Variants in RIPK1 observed in about 807,000 individuals in gnomAD.
RIPK1 encodes receptor-interacting serine/threonine-protein kinase 1.
RIPK1 carries 27 observed loss-of-function variants against 62.4 expected under a neutral mutation model. That is an observed-to-expected ratio of 0.43 (90% confidence interval 0.32 to 0.60). RIPK1 has a LOEUF of 0.60. Among genes scored for constraint, RIPK1 ranks in the 20% least tolerant of loss-of-function variants. The pLI is 0.07. For synonymous variants in RIPK1, 287 were observed against 303.2 expected, an observed-to-expected ratio of 0.95 and a Z score of 0.55; for missense variants, 735 against 831.0, an observed-to-expected ratio of 0.88 and a Z score of 1.42.
rs1561748333 is a variant in RIPK1 at position 3,076,822 on chromosome 6, GA to G, written c.1del. On this transcript the variant is annotated 5_prime_UTR_variant, in exon 2 of 11. Coordinates refer to ENST00000259808, the MANE Select transcript of RIPK1 (RefSeq NM_001354930.2). ...CCATTTTGGGCGTTCTTGAGCTTCA[GA>G]ATGCAACCAGACATGTCCTTGAATG... 1.9e-6 allele frequency: 3 copies of G among 1,612,720 alleles called. No homozygotes were observed. In the African/African-American group the frequency reaches 4.0e-5, roughly 22 times the overall value.
At chr6:3,095,703 A>C (rs1760254355) in intron 7 of RIPK1, among the ~76,000 whole-genome samples, 1 of 152,264 alleles carries the variant, frequency 6.6e-6, no homozygotes, top group Non-Finnish European at 1.5e-5. Flanking sequence ...TTTTCAATAG[A>C]TGCAGATAAA....
intron 1 of RIPK1, among the ~76,000 whole-genome samples, chr6:3,073,221 A>G (rs918359857): frequency 2.2e-5 from 3 of 133,822 alleles, no homozygotes; most frequent in Non-Finnish European, 5.0e-5. Flanking sequence ...ATGTGTATAT[A>G]TACACACATA....
At chr6:3,099,516 C>G (rs1760490226) in intron 7 of RIPK1, among the ~76,000 whole-genome samples, 1 of 152,156 alleles carries the variant, frequency 6.6e-6, no homozygotes, top group African/African-American at 2.4e-5. Flanking sequence ...TGCACTCCAG[C>G]CTGGGTGACA....
chr6:3,085,201 C>T (rs1759624180), intron 5 of RIPK1, 58 bp from the exon 6 acceptor site: 4 of 1,598,034 alleles, frequency 2.5e-6, no homozygotes, highest in Admixed American at 1.7e-5. Context: ...TGTTCAAGTT[C>T]TGTCACCTTC....
At chr6:3,094,696 A>G (rs1373034423) in intron 7 of RIPK1, among the ~76,000 whole-genome samples, 1 of 152,006 alleles carries the variant, frequency 6.6e-6, no homozygotes, top group African/African-American at 2.4e-5. Context: ...AAAAGAGCAT[A>G]AATTAATGCC....
intron 7 of RIPK1, among the ~76,000 whole-genome samples, chr6:3,103,753 T>C (rs1760697821): frequency 6.6e-6 from 1 of 152,242 alleles, no homozygotes; most frequent in African/African-American, 2.4e-5. Flanking sequence ...TCTAAGAATT[T>C]TTGTGGCACT....
At chr6:3,111,578 TG>T (rs1441171431) in intron 10 of RIPK1, among the ~76,000 whole-genome samples, 2 of 151,812 alleles carry the variant, frequency 1.3e-5, no homozygotes, top group Non-Finnish European at 1.5e-5. Context: ...TGAGGTCTCT[TG>T]GAACTACTCA....
In RIPK1 at chr6:3,105,680, A is replaced by C; in HGVS notation, c.1205A>C (p.Asn402Thr). Reference protein sequence around the residue: ...DRQTKQQPRQNVAYNREEERR... With the variant: ...DRQTKQQPRQTVAYNREEERR... ...CAGACGAAACAGCAGCCCAGACAGA[A>C]TGTGGCTTACAACAGAGAGGAGGAA... The change falls in exon 9 of 11, where the codon AAT becomes ACT. Residue 402 changes from asparagine (N) to threonine (T), a missense_variant. This residue lies in a region of RIPK1 where 671 missense variants were observed against 726.2 expected (regional missense o/e 0.92). Coordinates refer to ENST00000259808, the MANE Select transcript of RIPK1 (RefSeq NM_001354930.2). This position sits in a 1 kb window ranked among gnomAD's most constrained non-coding sequence, Gnocchi z 4.5. 4 of 1,614,156 alleles carry C rather than the reference A, an allele frequency of 2.5e-6. No homozygotes were observed. The highest frequency in any genetic ancestry group is 3.4e-6 in the Non-Finnish European group (4 of 1,179,990).
rs1758764656 is a variant in RIPK1 at position 3,072,370 on chromosome 6, C to T, written c.-61+3709C>T. ...TGTCTTTATGTCTTTTTTATCTGTACTTATATCTTTATCTATTTACATATA... is the reference window on the plus strand; with the variant it reads ...TGTCTTTATGTCTTTTTTATCTGTATTTATATCTTTATCTATTTACATATA... On this transcript the variant is annotated intron_variant, in intron 1 of 10. Transcript: ENST00000259808. The surrounding 1 kb of genome is among the most constrained non-coding windows in gnomAD (Gnocchi z 5.6). Among the ~76,000 whole-genome samples the T allele has an allele frequency of 7.1e-6, 1 of 141,284 alleles. No individual in the cohort carries two copies. The highest frequency in any genetic ancestry group is 2.7e-5 in the African/African-American group (1 of 36,906). 92.7% of individuals were successfully genotyped at this position (141,284 alleles called of 152,430 possible).
intron 9 of RIPK1, among the ~76,000 whole-genome samples, chr6:3,109,934 T>C (rs962101426): frequency 6.6e-6 from 1 of 152,198 alleles, no homozygotes; most frequent in African/African-American, 2.4e-5. Flanking sequence ...TCCTCAAGCT[T>C]CATGCATGTT....
chr6:3,068,487 C>A (rs1758493808), upstream of RIPK1: 1 of 985,178 alleles, frequency 1.0e-6, no homozygotes, highest in Non-Finnish European at 1.2e-6. Context: ...GAGGAGGCAG[C>A]GCGAACAGTC....
chr6:3,066,028 GTTTTTTA>G (rs1244975222), upstream of RIPK1, among the ~76,000 whole-genome samples: 1 of 152,102 alleles, frequency 6.6e-6, no homozygotes, highest in African/African-American at 2.4e-5. Flanking sequence ...GGAACGTGGA[GTTTTTTA>G]TTTTTTATTG....
chr6:3,110,406 A>C (rs1393480843), intron 9 of RIPK1, among the ~76,000 whole-genome samples: 2 of 151,774 alleles, frequency 1.3e-5, no homozygotes, highest in African/African-American at 2.4e-5. Flanking sequence ...AAGGGGTTTC[A>C]CCATGTTGGC....
intron 1 of RIPK1, among the ~76,000 whole-genome samples, chr6:3,071,449 A>G (rs1758707800): frequency 6.6e-6 from 1 of 152,214 alleles, no homozygotes; most frequent in African/African-American, 2.4e-5. Context: ...GGACGTAATT[A>G]TTAGTTAAAA....
intron 3 of RIPK1, among the ~76,000 whole-genome samples, chr6:3,078,606 T>C (rs892112736): frequency 6.6e-6 from 1 of 152,224 alleles, no homozygotes; most frequent in Non-Finnish European, 1.5e-5. Flanking sequence ...TATGGATTAA[T>C]GAAAGGATAT....
intron 6 of RIPK1, chr6:3,088,947 G>C (rs1420645742): frequency 6.6e-6 from 1 of 152,176 alleles, no homozygotes; most frequent in African/African-American, 2.4e-5. Flanking sequence ...CCAAGTCTGA[G>C]ATATATGAGG....
At chr6:3,089,446 T>A (rs1230713205) in intron 6 of RIPK1, 135 bp from the exon 7 acceptor site, 3 of 626,250 alleles carry the variant, frequency 4.8e-6, no homozygotes, top group African/African-American at 3.7e-5. Context: ...TCAGAGTCAG[T>A]GATTTGGAGC....
In RIPK1 at chr6:3,083,196, T is replaced by C; in HGVS notation, c.571T>C (p.Tyr191His). The C allele has an allele frequency of 6.2e-7, 1 of 1,614,022 alleles. No individual in the cohort carries two copies. The highest frequency in any genetic ancestry group is 1.7e-5 in the Admixed American group (1 of 60,008). Residue 191 changes from tyrosine to histidine, a missense_variant, in exon 5 of 11, where the codon TAC becomes CAC. Coordinates refer to ENST00000259808, the MANE Select transcript of RIPK1 (RefSeq NM_001354930.2). ...CGCTAAGAAGAATGGCGGCACCCTC[T>C]ACTACATGGCGCCCGAGCACCTGAA... ...GTAKKNGGTL[Y>H]YMAPEHLNDV...
Position 3,113,210 on chromosome 6 carries a change from C to T in RIPK1, c.1887C>T (p.Tyr629=). The change falls in exon 11 of 11, where the codon TAC becomes TAT. Residue 629 remains tyrosine (Y), a synonymous_variant. Coordinates refer to ENST00000259808, the MANE Select transcript of RIPK1 (RefSeq NM_001354930.2). The surrounding 1 kb of genome is among the most constrained non-coding windows in gnomAD (Gnocchi z 5.0). Reference sequence around the variant, plus strand: ...GAGATGGACTGAAAGAAAAGGTTTACCAGATGCTCCAAAAGTGGGTGATGA... The same window carrying T: ...GAGATGGACTGAAAGAAAAGGTTTATCAGATGCTCCAAAAGTGGGTGATGA... ...YERDGLKEKV[Y]QMLQKWVMRE... is the part of the protein sequence containing the mutation. The T allele has an allele frequency of 6.2e-7, 1 of 1,614,002 alleles. No homozygotes were observed. The highest frequency in any genetic ancestry group is 1.1e-5 in the South Asian group (1 of 91,062).
Sources: allele counts gnomAD v4.1 joint callset (sites outside exome capture counted in the v4.1 genomes callset), GRCh38; gene constraint gnomAD v4.1.1; regional missense constraint gnomAD v4.1.1; non-coding constraint Gnocchi (gnomAD v3.1); transcripts MANE v1.5; gene names NCBI Gene and HGNC (gene_info 2026-07-23, HGNC 2026-07-21).